Variants in GFRAL observed in about 807,000 individuals in gnomAD.
GFRAL encodes the protein GDNF family receptor alpha-like.
Under a neutral mutation model 45.4 loss-of-function variants are expected in GFRAL, and 36 were observed. The observed-to-expected ratio is 0.79, with a 90% CI of 0.61 to 1.05. GFRAL has a LOEUF of 1.05. GFRAL is among the 50% of genes least tolerant of loss of function. The pLI is 0.00. For missense variants in GFRAL, 507 were observed against 467.5 expected (o/e 1.08, Z -0.78); for synonymous variants, 166 against 154.1 (o/e 1.08, Z -0.57).
At chr6:55,393,985 TAGTTCAGTG>T (rs1768789548) in intron 6 of GFRAL, among the ~76,000 whole-genome samples, 2 of 152,314 alleles carry the variant, frequency 1.3e-5, no homozygotes, top group South Asian at 4.1e-4. Flanking sequence ...TCACTTTAGC[TAGTTCAGTG>T]CAGTTTGCAA....
chr6:55,371,916 C>T (rs765847550), intron 6 of GFRAL, among the ~76,000 whole-genome samples: 2 of 152,130 alleles, frequency 1.3e-5, no homozygotes, highest in African/African-American at 2.4e-5. Flanking sequence ...GACAAATTTT[C>T]CAGAAGAGTT....
intron 3 of GFRAL, among the ~76,000 whole-genome samples, chr6:55,336,566 A>G (rs1281032043): frequency 6.6e-6 from 1 of 152,174 alleles, no homozygotes; most frequent in Non-Finnish European, 1.5e-5. Context: ...TAGAAATACA[A>G]TTAATTTTTC....
At chr6:55,361,590 G>T (rs1308069929) in intron 6 of GFRAL, among the ~76,000 whole-genome samples, 1 of 151,754 alleles carries the variant, frequency 6.6e-6, no homozygotes, top group East Asian at 1.9e-4. Flanking sequence ...GAACTCACAG[G>T]TATGGAGTGA....
chr6:55,378,193 A>G (rs1207321893), intron 6 of GFRAL, among the ~76,000 whole-genome samples: 2 of 152,166 alleles, frequency 1.3e-5, no homozygotes, highest in East Asian at 1.9e-4. Flanking sequence ...GCATGGTACA[A>G]TGTCCAAGAT....
At chr6:55,336,001 G>A (rs553813741) in intron 3 of GFRAL, among the ~76,000 whole-genome samples, 1 of 152,180 alleles carries the variant, frequency 6.6e-6, no homozygotes, top group African/African-American at 2.4e-5. Context: ...CTGGAGCATA[G>A]TGGCCCAATC....
At position 55,359,132 on chromosome 6, in the gene GFRAL, T is replaced by C. The variant is rs754871372; in HGVS notation, c.946T>C (p.Cys316Arg). ...CCAGCACATGCTTCATAGAAAATCA[T>C]GTTTCAGTAAGTTCCCCAAATAAAA... is the stretch of plus-strand genomic sequence containing the variant. ...IFQHMLHRKS[C>R]FNYPTLSNVK... The change falls in exon 6 of 9, where the codon TGT becomes CGT. Residue 316 changes from cysteine to arginine, a missense_variant. Transcript: ENST00000340465. 5.6e-6 allele frequency: 9 copies of C among 1,605,028 alleles called. No individual in the cohort carries two copies. In the Admixed American group the frequency reaches 1.5e-4, roughly 27 times the overall value.
At chr6:55,364,182 C>T (rs200264973) in intron 6 of GFRAL, among the ~76,000 whole-genome samples, 79,298 of 150,110 alleles carry the variant, frequency 0.53, 21,098 homozygotes, top group South Asian at 0.63. Flanking sequence ...ATTTCTCTGA[C>T]GGCCAGTGAT....
chr6:55,401,421 C>T (rs1383481847), intron 8 of GFRAL, among the ~76,000 whole-genome samples: 1 of 152,158 alleles, frequency 6.6e-6, no homozygotes, highest in Admixed American at 6.5e-5. Context: ...GTTCACTCAC[C>T]TGATGGTCAA....
intron 3 of GFRAL, among the ~76,000 whole-genome samples, chr6:55,348,683 T>C (rs1238134757): frequency 1.3e-5 from 2 of 152,062 alleles, no homozygotes; most frequent in African/African-American, 2.4e-5. Flanking sequence ...ACATGGACAC[T>C]AATCCTATTC....
In GFRAL at chr6:55,351,417, C is replaced by G; in HGVS notation, c.535C>G (p.Pro179Ala). 2 of 1,613,656 alleles carry G rather than the reference C, an allele frequency of 1.2e-6. No individual in the cohort carries two copies. The highest frequency in any genetic ancestry group is 1.7e-6 in the Non-Finnish European group (2 of 1,179,744). ...AAIRFFYQNI[P>A]FNIAQMLAFC... is the part of the protein sequence containing the mutation. The stretch of plus-strand genomic sequence containing the variant: ...CATACGGTTCTTCTATCAAAATATA[C>G]CTTTTAACATTGCCCAGATGTTGGC... The change falls in exon 5 of 9, where the codon CCT becomes GCT. Residue 179 changes from proline (P) to alanine (A), a missense_variant. Coordinates refer to ENST00000340465, the MANE Select transcript of GFRAL (RefSeq NM_207410.2).
At chr6:55,353,448 G>C (rs1206038730) in intron 5 of GFRAL, among the ~76,000 whole-genome samples, 1 of 152,004 alleles carries the variant, frequency 6.6e-6, no homozygotes, top group South Asian at 2.1e-4. Context: ...GAGCTAAGCA[G>C]AGTCCTAGAG....
intron 6 of GFRAL, among the ~76,000 whole-genome samples, chr6:55,393,194 C>T (rs1032771): frequency 0.84 from 127,359 of 152,130 alleles, 53,626 homozygotes; most frequent in East Asian, 0.99. Flanking sequence ...ATTTGTTTTC[C>T]TGGATTCTAA....
intron 3 of GFRAL, among the ~76,000 whole-genome samples, chr6:55,342,907 A>G (rs1258462150): frequency 6.6e-6 from 1 of 152,172 alleles, no homozygotes; most frequent in African/African-American, 2.4e-5. Flanking sequence ...CTTTAAAACA[A>G]CAAAGATCAA....
chr6:55,396,561 A>T lies in GFRAL; in HGVS notation c.953-2619A>T, dbSNP rs565916372. On this transcript the variant is annotated intron_variant, in intron 6 of 8. Coordinates refer to ENST00000340465, the MANE Select transcript of GFRAL (RefSeq NM_207410.2). The stretch of plus-strand genomic sequence containing the variant: ...ATGAATCCAGCTACAGCTTTTTTTT[A>T]AAAAAGGCCATAGAACTTAAAAAGA... Among the ~76,000 whole-genome samples, 438 of 140,230 alleles carry T rather than the reference A, an allele frequency of 3.1e-3. 3 individuals carry two copies. Among genetic ancestry groups the T allele is most frequent in the African/African-American group, 0.011 (417 of 36,452 alleles). The allele number at this position is 140,230 out of a possible 152,430, so 92.0% of individuals were successfully genotyped here. A position where few individuals can be genotyped will look rare whatever the true frequency, so the allele number is the denominator to read the frequency against.
intron 3 of GFRAL, among the ~76,000 whole-genome samples, chr6:55,342,289 C>G (rs987627491): frequency 6.6e-6 from 1 of 152,120 alleles, no homozygotes; most frequent in Non-Finnish European, 1.5e-5. Context: ...GTTGGGTTAC[C>G]CACAAAGGGA....
At chr6:55,346,975 G>A (rs752672550) in intron 3 of GFRAL, among the ~76,000 whole-genome samples, 1 of 151,976 alleles carries the variant, frequency 6.6e-6, no homozygotes, top group Non-Finnish European at 1.5e-5. Context: ...TGCTAGTTAA[G>A]TTGATAGTGT....
In GFRAL at chr6:55,396,876, C is replaced by CTTT. The variant is rs369457794; in HGVS notation, c.953-2289_953-2287dup. 2.5e-3 allele frequency among the ~76,000 whole-genome samples: 325 copies of CTTT among 127,884 alleles called. 5 individuals carry two copies. Among genetic ancestry groups the CTTT allele is most frequent in the African/African-American group, 8.9e-3 (302 of 34,014 alleles). 83.9% of individuals were successfully genotyped at this position (127,884 alleles called of 152,430 possible). A position where few individuals can be genotyped will look rare whatever the true frequency, so the allele number is the denominator to read the frequency against. Reference sequence around the variant, plus strand: ...ATTTTGCATTCTAACAAGGGGGAAGCTTTTTTTTTTTTTTTTTCTGGAGTC... The same window carrying CTTT: ...ATTTTGCATTCTAACAAGGGGGAAGCTTTTTTTTTTTTTTTTTTTTCTGGAGTC... On this transcript the variant is annotated intron_variant, in intron 6 of 8. Coordinates refer to ENST00000340465, the MANE Select transcript of GFRAL (RefSeq NM_207410.2).
chr6:55,351,642 A>C, intron 5 of GFRAL, 59 bp downstream of exon 5: 1 of 1,221,018 alleles, frequency 8.2e-7, no homozygotes, highest in Non-Finnish European at 1.2e-6. Flanking sequence ...GTTATAGTCC[A>C]GTCCTAACAC....
At chr6:55,335,904 ATTTTATTTTATTT>A (rs1221476209) in intron 3 of GFRAL, among the ~76,000 whole-genome samples, 2,353 of 36,102 alleles carry the variant, frequency 0.065, 56 homozygotes, top group African/African-American at 0.13. Context: ...TCTTTATTTT[ATTTTATTTTATTT>A]TATTTTATTT....
Sources: allele counts gnomAD v4.1 joint callset (sites outside exome capture counted in the v4.1 genomes callset), GRCh38; gene constraint gnomAD v4.1.1; transcripts MANE v1.5; gene names NCBI Gene and HGNC (gene_info 2026-07-23, HGNC 2026-07-21).